Variants in KLC1 observed in about 807,000 individuals in gnomAD.
KLC1 encodes kinesin light chain 1.
In KLC1, 30 loss-of-function variants were observed where a neutral mutation model predicts 84.2. The observed-to-expected ratio is 0.36, with a 90% CI of 0.27 to 0.48. The LOEUF is 0.48. KLC1 is among the 20% of genes least tolerant of loss of function. The probability of loss-of-function intolerance (pLI) is 0.99; values close to 1 mark genes in which losing one functional copy is unlikely to be tolerated. For missense variants in KLC1, 499 were observed against 805.4 expected, an observed-to-expected ratio of 0.62 and a Z score of 4.60; for synonymous variants, 289 against 293.3, an observed-to-expected ratio of 0.99 and a Z score of 0.15.
At chr14:103,634,848 C>G (rs867393635) in intron 1 of KLC1, among the ~76,000 whole-genome samples, 1 of 151,938 alleles carries the variant, frequency 6.6e-6, no homozygotes, top group Non-Finnish European at 1.5e-5. Context: ...CCCAAAGTGT[C>G]GGGATTACAG....
intron 14 of KLC1, 31 bp from the exon 15 acceptor site, chr14:103,692,328 T>C (rs1382660987): frequency 2.0e-6 from 3 of 1,534,792 alleles, no homozygotes; most frequent in South Asian, 2.4e-5. Context: ...TGCTGATCGT[T>C]TGTCCTTGCA....
intron 15 of KLC1, chr14:103,695,407 A>C: frequency 1.0e-6 from 1 of 979,408 alleles, no homozygotes; most frequent in Non-Finnish European, 1.2e-6. Context: ...TGAGAAGCCA[A>C]CCCCCCCCAA....
chr14:103,677,254 A>G (rs2080981891), intron 11 of KLC1, among the ~76,000 whole-genome samples, 161 bp from the exon 12 acceptor site: 1 of 152,100 alleles, frequency 6.6e-6, no homozygotes, highest in African/African-American at 2.4e-5. Flanking sequence ...CTGAGAGGGA[A>G]GAACGCTTTA....
chr14:103,662,124 A>T lies in KLC1; in HGVS notation c.501A>T (p.Lys167Asn), dbSNP rs375415988. 57 of 1,613,470 alleles carry T rather than the reference A, an allele frequency of 3.5e-5. No individual in the cohort carries two copies. Among genetic ancestry groups the T allele is most frequent in the Non-Finnish European group, 4.8e-5 (57 of 1,179,518 alleles). Residue 167 changes from lysine (K) to asparagine (N), a missense_variant, in exon 4 of 17, where the codon AAA becomes AAT. Coordinates refer to ENST00000334553, the MANE Select transcript of KLC1 (RefSeq NM_001394837.1). ...YDDDISPSED[K>N]DTDSTKEPLD... is the part of the protein sequence containing the mutation. ...CTGGGTCTGTTTTATAGGAGGACAAAGACACTGATTCTACCAAAGAGCCTC... is the reference window on the plus strand; with the variant it reads ...CTGGGTCTGTTTTATAGGAGGACAATGACACTGATTCTACCAAAGAGCCTC...
chr14:103,642,676 A>C (rs1444193296), intron 1 of KLC1, among the ~76,000 whole-genome samples: 1 of 152,174 alleles, frequency 6.6e-6, no homozygotes, highest in African/African-American at 2.4e-5. Flanking sequence ...GAACATGAAG[A>C]AGGGACACAG....
chr14:103,668,432 C>A (rs994451404), intron 5 of KLC1, among the ~76,000 whole-genome samples: 2 of 152,154 alleles, frequency 1.3e-5, no homozygotes, highest in Non-Finnish European at 2.9e-5. Flanking sequence ...TGGTGGATTT[C>A]CTTCCAGTGT....
chr14:103,671,198 G>GAGCT (rs1353906799), intron 7 of KLC1, among the ~76,000 whole-genome samples: 3 of 152,122 alleles, frequency 2.0e-5, no homozygotes, highest in Non-Finnish European at 4.4e-5. Flanking sequence ...GATTAACTCA[G>GAGCT]AGCTATAGAT....
chr14:103,693,009 G>T lies in KLC1; in HGVS notation c.1848+584G>T, dbSNP rs755549056. 6.6e-6 allele frequency among the ~76,000 whole-genome samples: 1 copy of T among 152,206 alleles called. No homozygotes were observed. ...TTTCATCCACTCCGCCCTTTGGTGT[G>T]GCTGTCAGTGGGTGGCCGGGTGCCT... On this transcript the variant is annotated intron_variant, in intron 15 of 16. Coordinates refer to ENST00000334553, the MANE Select transcript of KLC1 (RefSeq NM_001394837.1). This position sits in a 1 kb window ranked among gnomAD's most constrained non-coding sequence, Gnocchi z 5.1.
chr14:103,661,949 G>A (rs1478605311), intron 3 of KLC1, among the ~76,000 whole-genome samples, 167 bp from the exon 4 acceptor site: 1 of 152,136 alleles, frequency 6.6e-6, no homozygotes, highest in Non-Finnish European at 1.5e-5. Flanking sequence ...CATTACTCCT[G>A]TTCAACTGAT....
At chr14:103,680,996 G>T (rs960205016) in intron 13 of KLC1, among the ~76,000 whole-genome samples, 2 of 152,202 alleles carry the variant, frequency 1.3e-5, no homozygotes, top group Non-Finnish European at 2.9e-5. Context: ...CCTGCAGGGG[G>T]TTCGTGGGCA....
At chr14:103,639,207 G>A (rs1031153142) in intron 1 of KLC1, among the ~76,000 whole-genome samples, 1 of 152,116 alleles carries the variant, frequency 6.6e-6, no homozygotes, top group African/African-American at 2.4e-5. Flanking sequence ...CTGTTGTCCA[G>A]GCTGGAGTAC....
chr14:103,696,302 C>T (rs988839054), intron 15 of KLC1: 12 of 985,168 alleles, frequency 1.2e-5, no homozygotes, highest in African/African-American at 5.2e-5. Context: ...CCTCAGAGGC[C>T]GGTGGTGCCC....
intron 1 of KLC1, among the ~76,000 whole-genome samples, chr14:103,650,853 A>C (rs1595346654): frequency 2.0e-5 from 3 of 151,988 alleles, no homozygotes; most frequent in Admixed American, 1.3e-4. Context: ...TGCTGGGATT[A>C]CAGGCGTGAA....
intron 1 of KLC1, among the ~76,000 whole-genome samples, chr14:103,645,814 G>T (rs2077878505): frequency 6.6e-6 from 1 of 150,930 alleles, no homozygotes; most frequent in Non-Finnish European, 1.5e-5. Flanking sequence ...CTGGAGTGCA[G>T]TGGCACAATC....
chr14:103,691,802 TGCTCTGTCTCCCAG>T (rs539623501), intron 14 of KLC1, among the ~76,000 whole-genome samples: 1,972 of 151,990 alleles, frequency 0.013, 113 homozygotes, highest in Admixed American at 0.11. Context: ...GACAGGGTCT[TGCTCTGTCTCCCAG>T]GCTGGAGTGC....
At chr14:103,650,583 T>C (rs1363950637) in intron 1 of KLC1, among the ~76,000 whole-genome samples, 4 of 146,586 alleles carry the variant, frequency 2.7e-5, no homozygotes, top group African/African-American at 9.9e-5. Context: ...CCTGTATACT[T>C]TTTTTTTTTT....
At chr14:103,672,872 AG>A in intron 7 of KLC1, 141 bp from the exon 8 acceptor site, 1 of 696,512 alleles carries the variant, frequency 1.4e-6, no homozygotes, top group Non-Finnish European at 2.4e-6. Flanking sequence ...TACGTGGTGT[AG>A]CGAGCCAGTT....
intron 5 of KLC1, among the ~76,000 whole-genome samples, chr14:103,663,956 GATAAA>G (rs1290548984): frequency 1.3e-5 from 2 of 152,126 alleles, no homozygotes; most frequent in African/African-American, 4.8e-5. Flanking sequence ...TTTGAAAGTT[GATAAA>G]ATAAAAACAC....
At chr14:103,636,414 T>A (rs2077048843) in intron 1 of KLC1, among the ~76,000 whole-genome samples, 1 of 152,090 alleles carries the variant, frequency 6.6e-6, no homozygotes, top group Admixed American at 6.6e-5. Context: ...AGAGATGGGT[T>A]TCTCCATGTT....
Sources: allele counts gnomAD v4.1 joint callset (sites outside exome capture counted in the v4.1 genomes callset), GRCh38; gene constraint gnomAD v4.1.1; non-coding constraint Gnocchi (gnomAD v3.1); transcripts MANE v1.5; gene names NCBI Gene and HGNC (gene_info 2026-07-23, HGNC 2026-07-21).